Variants in CPVL observed in about 807,000 individuals in gnomAD.
The protein encoded by CPVL is carboxypeptidase vitellogenic like.
A neutral mutation model predicts 63.7 loss-of-function variants in CPVL; 51 were observed. The observed-to-expected ratio is 0.80, with a 90% confidence interval of 0.64 to 1.01. CPVL has a LOEUF of 1.01. Among genes scored for constraint, CPVL ranks in the 50% least tolerant of loss-of-function variants. The probability of loss-of-function intolerance (pLI) is 0.00; values close to 1 mark genes in which losing one functional copy is unlikely to be tolerated. For missense variants in CPVL, 530 were observed against 573.1 expected (o/e 0.92, Z 0.77); for synonymous variants, 195 against 206.0 (o/e 0.95, Z 0.46).
In CPVL at chr7:29,096,159, G is replaced by A; in HGVS notation, c.347C>T (p.Ser116Phe). ...ATGTTCCACAAAGAGTCCAAACATG[G>A]ATGAACCTCCCGGCCCACCCTGTAG... ...LWLQGGPGGS[S>F]MFGLFVEHGP... Residue 116 changes from serine (S) to phenylalanine (F), a missense_variant, in exon 4 of 13, where the codon TCC becomes TTC. Ser to Phe is a radical substitution (Grantham distance 155). Transcript: ENST00000265394. The A allele has an allele frequency of 1.9e-6, 3 of 1,614,214 alleles. No homozygotes were observed. Among genetic ancestry groups the A allele is most frequent in the Non-Finnish European group, 2.5e-6 (3 of 1,180,042 alleles).
chr7:29,112,255 C>A (rs1305594862), intron 3 of CPVL, among the ~76,000 whole-genome samples: 1 of 152,182 alleles, frequency 6.6e-6, no homozygotes, highest in Non-Finnish European at 1.5e-5. Context: ...AAGGAGTCCA[C>A]AGACAGCGCA....
At chr7:29,023,576 C>A (rs1284312734) in intron 12 of CPVL, among the ~76,000 whole-genome samples, 1 of 152,220 alleles carries the variant, frequency 6.6e-6, no homozygotes, top group African/African-American at 2.4e-5. Flanking sequence ...AGACCTGCTT[C>A]TACCAGTTTC....
At chr7:29,028,782 G>A (rs1371722677) in intron 12 of CPVL, among the ~76,000 whole-genome samples, 4 of 152,076 alleles carry the variant, frequency 2.6e-5, no homozygotes, top group Admixed American at 6.5e-5. Flanking sequence ...TGGCTAACAC[G>A]GTGAAACCCC....
chr7:29,146,940 T>C, upstream of CPVL: 1 of 1,551,168 alleles, frequency 6.4e-7, no homozygotes, highest in Non-Finnish European at 8.7e-7. Flanking sequence ...GCTGATGGTC[T>C]ACATTCCAGC....
chr7:29,050,418 A>G (rs1345105244), intron 11 of CPVL, among the ~76,000 whole-genome samples: 2 of 146,440 alleles, frequency 1.4e-5, no homozygotes, highest in African/African-American at 5.1e-5. Flanking sequence ...AAAAAAAAAA[A>G]TAAAATACTT....
chr7:29,087,197 G>C (rs184180861), intron 6 of CPVL, among the ~76,000 whole-genome samples: 2 of 152,098 alleles, frequency 1.3e-5, no homozygotes, highest in Admixed American at 6.5e-5. Context: ...AGGCTAAGGT[G>C]GGCGGATAAC....
At chr7:29,176,457 T>C (rs563035262) in intron 5 of CPVL, among the ~76,000 whole-genome samples, 1 of 152,290 alleles carries the variant, frequency 6.6e-6, no homozygotes, top group African/African-American at 2.4e-5. Flanking sequence ...TATGTCTTCA[T>C]TAGCAGTATG....
chr7:29,146,444 C>G lies in CPVL; in HGVS notation c.-26G>C. 7.7e-7 allele frequency: 1 copy of G among 1,296,406 alleles called. No homozygotes were observed. Among genetic ancestry groups the G allele is most frequent in the Middle Eastern group, 2.8e-4 (1 of 3,610 alleles). 80.3% of individuals were successfully genotyped at this position (1,296,406 alleles called of 1,614,324 possible). On this transcript the variant is annotated 5_prime_UTR_variant, in exon 1 of 13. Transcript: ENST00000265394. Reference sequence around the variant, plus strand: ...CGGCACTTACGCGGCGCAGTCGGTGCTCCTCCCTGAGCCGCGGCGCGCAAG... The same window carrying G: ...CGGCACTTACGCGGCGCAGTCGGTGGTCCTCCCTGAGCCGCGGCGCGCAAG...
intron 4 of CPVL, among the ~76,000 whole-genome samples, 155 bp downstream of exon 4, chr7:29,095,948 C>T (rs1380188145): frequency 6.6e-5 from 10 of 152,304 alleles, no homozygotes; most frequent in African/African-American, 2.4e-4. Context: ...GAGGCTCCTC[C>T]TTCTCGGATG....
At chr7:29,180,894 A>G (rs1797988742) in intron 5 of CPVL, among the ~76,000 whole-genome samples, 3 of 152,202 alleles carry the variant, frequency 2.0e-5, no homozygotes, top group African/African-American at 4.8e-5. Flanking sequence ...CTTGCAGTGT[A>G]ATTGAAAAGA....
At chr7:29,162,253 C>A (rs1795276986) in intron 5 of CPVL, among the ~76,000 whole-genome samples, 1 of 152,162 alleles carries the variant, frequency 6.6e-6, no homozygotes, top group Non-Finnish European at 1.5e-5. Context: ...CCGGAAATGA[C>A]CCAAATGCTC....
chr7:29,097,765 T>C (rs1163945334), intron 3 of CPVL, among the ~76,000 whole-genome samples: 7 of 152,196 alleles, frequency 4.6e-5, no homozygotes, highest in East Asian at 3.9e-4. Flanking sequence ...TTAAGAGTCA[T>C]TGGAGGCTGA....
At chr7:29,037,427 C>T (rs1788639157) in intron 11 of CPVL, among the ~76,000 whole-genome samples, 1 of 151,362 alleles carries the variant, frequency 6.6e-6, no homozygotes, top group Non-Finnish European at 1.5e-5. Flanking sequence ...GTGGTGGGCG[C>T]CTGTAGTCCC....
intron 11 of CPVL, among the ~76,000 whole-genome samples, chr7:29,047,940 C>T (rs1789780057): frequency 6.6e-6 from 1 of 152,092 alleles, no homozygotes; most frequent in Non-Finnish European, 1.5e-5. Flanking sequence ...TCCAGTGAAA[C>T]TAAGCATCAT....
At chr7:29,109,701 A>G (rs1447335489) in intron 3 of CPVL, among the ~76,000 whole-genome samples, 2 of 152,100 alleles carry the variant, frequency 1.3e-5, no homozygotes, top group Non-Finnish European at 2.9e-5. Context: ...AGCTTCATCT[A>G]TCACTCTCAC....
intron 1 of CPVL, among the ~76,000 whole-genome samples, chr7:29,136,580 A>T (rs1023664362): frequency 2.0e-5 from 3 of 152,192 alleles, no homozygotes; most frequent in African/African-American, 7.2e-5. Context: ...CAGATTAGGC[A>T]GATTACTTGG....
intron 2 of CPVL, among the ~76,000 whole-genome samples, chr7:29,115,648 A>C (rs2128634392): frequency 6.7e-6 from 1 of 148,406 alleles, no homozygotes; most frequent in Admixed American, 6.7e-5. Context: ...TCCCAAAAAA[A>C]AAAAGGAGAG....
chr7:29,126,897 G>A (rs922985347), intron 1 of CPVL: 1 of 152,182 alleles, frequency 6.6e-6, no homozygotes, highest in African/African-American at 2.4e-5. Context: ...CAACACTCTT[G>A]AAGTACTCTT....
intron 6 of CPVL, among the ~76,000 whole-genome samples, chr7:29,088,718 C>G (rs369626121): frequency 5.3e-5 from 8 of 152,068 alleles, no homozygotes; most frequent in African/African-American, 1.9e-4. Context: ...TGGCCGGGCG[C>G]GGTGGCTCAC....
Sources: allele counts gnomAD v4.1 joint callset (sites outside exome capture counted in the v4.1 genomes callset), GRCh38; gene constraint gnomAD v4.1.1; transcripts MANE v1.5; gene names NCBI Gene and HGNC (gene_info 2026-07-23, HGNC 2026-07-21).